The following OPCML variants were observed in gnomAD, a reference collection of about 807,000 sequenced individuals.
The protein encoded by OPCML is opioid binding protein/cell adhesion molecule like, also known as opioid-binding protein/cell adhesion molecule.
In OPCML, 13 loss-of-function variants were observed where a neutral mutation model predicts 37.8. The ratio of observed to expected loss-of-function variants is 0.34; its 90% CI spans 0.22 to 0.55. OPCML has a LOEUF of 0.55. Ranked by LOEUF, OPCML falls within the 20% of genes least tolerant of loss-of-function variation. The probability of loss-of-function intolerance (pLI) is 0.91; values close to 1 mark genes in which losing one functional copy is unlikely to be tolerated. For synonymous variants in OPCML, 176 were observed against 168.8 expected, an observed-to-expected ratio of 1.04 and a Z score of -0.33; for missense variants, 341 against 435.6, an observed-to-expected ratio of 0.78 and a Z score of 1.93.
chr11:133,112,205 C>T (rs1340860533), intron 1 of OPCML, among the ~76,000 whole-genome samples: 5 of 134,084 alleles, frequency 3.7e-5, no homozygotes, highest in East Asian at 2.3e-4. Flanking sequence ...GGATTTTTTT[C>T]GTTAATTAGA....
intron 1 of OPCML, among the ~76,000 whole-genome samples, chr11:133,324,293 T>C (rs1943401562): frequency 6.6e-6 from 1 of 152,172 alleles, no homozygotes; most frequent in South Asian, 2.1e-4. Flanking sequence ...CTGAAAAGAT[T>C]GTCTCCACCT....
At chr11:133,477,178 T>G (rs1947259834) in intron 1 of OPCML, among the ~76,000 whole-genome samples, 1 of 152,184 alleles carries the variant, frequency 6.6e-6, no homozygotes, top group Admixed American at 6.5e-5. Context: ...CCCACGTTTT[T>G]CTGTTCGCCC....
intron 4 of OPCML, among the ~76,000 whole-genome samples, chr11:132,438,516 G>A (rs1200623688): frequency 2.0e-5 from 3 of 152,258 alleles, no homozygotes; most frequent in East Asian, 1.9e-4. Context: ...AGGATGTGGA[G>A]CAGGAACGTG....
At chr11:132,961,686 T>C (rs1045840012) in intron 1 of OPCML, among the ~76,000 whole-genome samples, 1 of 152,252 alleles carries the variant, frequency 6.6e-6, no homozygotes, top group Non-Finnish European at 1.5e-5. Flanking sequence ...TTTCCTCATC[T>C]GTACGATGAG....
chr11:133,302,286 C>G (rs1942799689), intron 1 of OPCML: 1 of 152,190 alleles, frequency 6.6e-6, no homozygotes, highest in African/African-American at 2.4e-5. Context: ...ATAGTGAGTT[C>G]TCGGGAGATC....
chr11:132,800,458 G>C (rs1013828594), intron 2 of OPCML, among the ~76,000 whole-genome samples: 3 of 152,140 alleles, frequency 2.0e-5, no homozygotes, highest in Non-Finnish European at 2.9e-5. Context: ...TTGAATGGAG[G>C]TGGTGAGAGT....
chr11:132,854,345 T>C (rs1034277195), intron 2 of OPCML, among the ~76,000 whole-genome samples: 1 of 152,194 alleles, frequency 6.6e-6, no homozygotes, highest in Non-Finnish European at 1.5e-5. Flanking sequence ...TAGAACTCAG[T>C]CCTTCTGGGT....
At chr11:133,428,333 A>G (rs1946046768) in intron 1 of OPCML, among the ~76,000 whole-genome samples, 1 of 152,186 alleles carries the variant, frequency 6.6e-6, no homozygotes, top group Non-Finnish European at 1.5e-5. Flanking sequence ...GAAGACCAAC[A>G]GGCTAGTGAC....
chr11:132,554,455 A>G (rs1300645484), intron 3 of OPCML, among the ~76,000 whole-genome samples: 1 of 152,216 alleles, frequency 6.6e-6, no homozygotes, highest in Non-Finnish European at 1.5e-5. Context: ...TTGCCAAAGC[A>G]TTCAGAAGCC....
intron 4 of OPCML, among the ~76,000 whole-genome samples, chr11:132,445,413 ACT>A (rs1417951128): frequency 6.6e-6 from 1 of 152,056 alleles, no homozygotes; most frequent in Non-Finnish European, 1.5e-5. Flanking sequence ...CCAAAGAGAA[ACT>A]CTCATACACT....
At chr11:133,064,766 G>GGGCC (rs974052373) in intron 1 of OPCML, 1 of 151,980 alleles carries the variant, frequency 6.6e-6, no homozygotes, top group Non-Finnish European at 1.5e-5. Context: ...GGCGCGGGGC[G>GGGCC]GGCCGGCAGT....
At chr11:132,992,309 T>C (rs1376373591) in intron 1 of OPCML, among the ~76,000 whole-genome samples, 2 of 151,992 alleles carry the variant, frequency 1.3e-5, no homozygotes, top group Non-Finnish European at 2.9e-5. Context: ...ATATATTTCT[T>C]CTCTGAAATA....
At chr11:133,220,554 C>T (rs936689303) in intron 1 of OPCML, among the ~76,000 whole-genome samples, 2 of 152,154 alleles carry the variant, frequency 1.3e-5, no homozygotes, top group Non-Finnish European at 2.9e-5. Flanking sequence ...CTTTGCCTTG[C>T]AGACCTGAAG....
rs1939509 is a variant in OPCML, at chr11:132,708,875, T to A, written c.147-51556A>T. 5.3e-5 allele frequency among the ~76,000 whole-genome samples: 8 copies of A among 152,358 alleles called. No individual in the cohort carries two copies. The East Asian group carries it at 1.3e-3, about 26-fold the overall frequency. ...CGATAATGAAAAAGGCTTAGCACTT[T>A]AACAAAATGATTTCTTGTTAAAGAA... On this transcript the variant is annotated intron_variant, in intron 2 of 7. Coordinates refer to ENST00000524381, the MANE Select transcript of OPCML (RefSeq NM_001012393.5).
chr11:132,489,529 G>A (rs73033756), intron 4 of OPCML, among the ~76,000 whole-genome samples: 73 of 152,260 alleles, frequency 4.8e-4, no homozygotes, highest in Non-Finnish European at 9.3e-4. Context: ...AAATGGTTGG[G>A]CTATACCAGT....
At chr11:133,126,322 C>T (rs1004563921) in intron 1 of OPCML, among the ~76,000 whole-genome samples, 7 of 152,076 alleles carry the variant, frequency 4.6e-5, no homozygotes, top group Non-Finnish European at 7.4e-5. Flanking sequence ...CTCAGGCCCT[C>T]GATGGACTGG....
At position 133,051,058 on chromosome 11, in the gene OPCML, T is replaced by TATACAC. The variant is rs1555083177; in HGVS notation, c.62-108049_62-108048insGTGTAT. Among the ~76,000 whole-genome samples the TATACAC allele has an allele frequency of 4.0e-3, 588 of 148,092 alleles. 3 individuals are homozygous for TATACAC. The highest frequency in any genetic ancestry group is 5.1e-3 in the African/African-American group (204 of 40,316). On this transcript the variant is annotated intron_variant, in intron 1 of 7. Transcript: ENST00000524381. ...CCTGTCCCTCCTCCATGTGTGTACA[T>TATACAC]ACACACACACACACACACACACACA...
chr11:132,617,964 T>A (rs549798417), intron 3 of OPCML, among the ~76,000 whole-genome samples: 1 of 152,184 alleles, frequency 6.6e-6, no homozygotes, highest in African/African-American at 2.4e-5. Flanking sequence ...CTATAACAGG[T>A]ACCAAGTAAG....
intron 1 of OPCML, among the ~76,000 whole-genome samples, chr11:133,525,448 T>C (rs2120729954): frequency 6.6e-6 from 1 of 152,304 alleles, no homozygotes; most frequent in Admixed American, 6.5e-5. Flanking sequence ...CAGGGCCAGA[T>C]CATGGCCTTG....
Sources: allele counts gnomAD v4.1 joint callset (sites outside exome capture counted in the v4.1 genomes callset), GRCh38; gene constraint gnomAD v4.1.1; transcripts MANE v1.5; gene names NCBI Gene and HGNC (gene_info 2026-07-23, HGNC 2026-07-21).